The following TNS1 variants were observed in gnomAD, a reference collection of about 807,000 sequenced individuals.
TNS1 encodes the protein tensin-1.
TNS1 carries 62 observed loss-of-function variants against 168.6 expected under a neutral mutation model. The observed-to-expected ratio is 0.37, with a 90% CI of 0.30 to 0.45. The LOEUF (loss-of-function observed/expected upper bound fraction) is 0.45. TNS1 is among the 20% of genes least tolerant of loss of function. The probability of loss-of-function intolerance (pLI) is 1.00; values close to 1 mark genes in which losing one functional copy is unlikely to be tolerated. For synonymous variants in TNS1, 934 were observed against 933.2 expected (o/e 1.00, Z -0.02); for missense variants, 2,240 against 2,339.4 (o/e 0.96, Z 0.88).
Position 217,800,405 on chromosome 2 carries a change from TCCA to T in TNS1, c.*4051_*4053del, listed in dbSNP as rs1256337216. On this transcript the variant is annotated 3_prime_UTR_variant, in exon 33 of 33. Transcript: ENST00000682258. ...TTCTCACCTGGGCTATCGCTGAGAC[TCCA>T]CCAATTGGTTGGCCTACAGGCCTCA... 1.3e-5 allele frequency: 2 copies of T among 152,208 alleles called. No homozygotes were observed. Among genetic ancestry groups the T allele is most frequent in the East Asian group, 3.9e-4 (2 of 5,182 alleles). 9.4% of individuals were successfully genotyped at this position (152,208 alleles called of 1,614,324 possible). A position where few individuals can be genotyped will look rare whatever the true frequency, so the allele number is the denominator to read the frequency against.
intron 23 of TNS1, among the ~76,000 whole-genome samples, chr2:217,821,216 G>T (rs1397949089): frequency 6.6e-6 from 1 of 152,192 alleles, no homozygotes; most frequent in Non-Finnish European, 1.5e-5. Context: ...AGAGGATAGA[G>T]ATGCGGGCTC....
intron 1 of TNS1, among the ~76,000 whole-genome samples, chr2:218,018,113 A>G (rs1017555130): frequency 2.0e-5 from 3 of 152,240 alleles, no homozygotes; most frequent in Non-Finnish European, 4.4e-5. Flanking sequence ...TCTCAGTCCA[A>G]GAAGAGAAAG....
chr2:217,805,425 A>C (rs533833105), intron 32 of TNS1, among the ~76,000 whole-genome samples: 3 of 129,002 alleles, frequency 2.3e-5, no homozygotes, highest in African/African-American at 8.8e-5. Context: ...ACAAACCACC[A>C]CACACATGCA....
intron 18 of TNS1, among the ~76,000 whole-genome samples, chr2:217,869,607 A>C (rs1357001117): frequency 2.6e-5 from 4 of 152,096 alleles, no homozygotes; most frequent in Non-Finnish European, 5.9e-5. Context: ...CATGGGGAGG[A>C]GGTGAGGAAA....
intron 28 of TNS1, among the ~76,000 whole-genome samples, chr2:217,811,398 A>G (rs1940868184): frequency 6.6e-6 from 1 of 152,222 alleles, no homozygotes; most frequent in South Asian, 2.1e-4. Flanking sequence ...TAAGCTAATA[A>G]TATTGGTCCA....
chr2:217,978,722 C>T, intron 3 of TNS1, 43 bp downstream of exon 3: 1 of 701,076 alleles, frequency 1.4e-6, no homozygotes, highest in Non-Finnish European at 2.6e-6. Context: ...CGAGCCAGGC[C>T]TGTCCCAAGT....
intron 3 of TNS1, among the ~76,000 whole-genome samples, chr2:217,933,936 AAGGGCAAAACAGAGTTT>A (rs1321112173): frequency 1.3e-5 from 2 of 152,190 alleles, no homozygotes; most frequent in Non-Finnish European, 2.9e-5. Context: ...GGTGGTGAGG[AAGGGCAAAACAGAGTTT>A]AGGGCTCGGG....
At chr2:217,972,400 A>AT (rs1257531137) in intron 3 of TNS1, among the ~76,000 whole-genome samples, 1 of 152,246 alleles carries the variant, frequency 6.6e-6, no homozygotes, top group Admixed American at 6.5e-5. Context: ...CCCAACTGTA[A>AT]AAGAAGGCTG....
chr2:218,026,731 G>C (rs898214519), intron 1 of TNS1, among the ~76,000 whole-genome samples: 4 of 152,346 alleles, frequency 2.6e-5, no homozygotes, highest in African/African-American at 9.6e-5. Flanking sequence ...GCAGCACCCA[G>C]ATCAGGAGAC....
At chr2:217,895,199 C>G (rs1234408662) in intron 8 of TNS1, 143 bp from the exon 9 acceptor site, 2 of 824,720 alleles carry the variant, frequency 2.4e-6, no homozygotes, top group South Asian at 3.1e-5. Flanking sequence ...CAGCATCCAG[C>G]AGAGCGTCAA....
Position 217,848,746 on chromosome 2 carries a change from G to A in TNS1, c.1771C>T (p.Arg591Cys), listed in dbSNP as rs3815849. ...GGCACAGCCGAGCCCCCTGCTGGGC[G>A]GGACCTGAGGTGCTGGGTGTGGTAC... ...AMYHTQHLRSRPAGGSAVPSS... is the reference protein window; with the variant it reads ...AMYHTQHLRSCPAGGSAVPSS... Residue 591 changes from arginine (R) to cysteine (C), a missense_variant, in exon 19 of 33, where the codon CGC becomes TGC. Transcript: ENST00000682258. 0.018 allele frequency: 29,027 copies of A among 1,614,198 alleles called. 378 individuals carry two copies. The highest frequency in any genetic ancestry group is 0.041 in the South Asian group (3,727 of 91,088).
intron 4 of TNS1, 112 bp downstream of exon 4, chr2:217,920,083 A>C (rs1039135835): frequency 7.2e-6 from 5 of 694,786 alleles, no homozygotes; most frequent in Middle Eastern, 2.3e-4. Flanking sequence ...TCCTCCACCT[A>C]ATTGTCCGAC....
rs372015386 is a variant in TNS1 at position 217,899,619 on chromosome 2, G to A, written c.371+844C>T. Among the ~76,000 whole-genome samples the A allele has an allele frequency of 3.3e-4, 51 of 152,324 alleles. 1 individual carries two copies. Among genetic ancestry groups the A allele is most frequent in the African/African-American group, 1.2e-3 (48 of 41,574 alleles). On this transcript the variant is annotated intron_variant, in intron 7 of 32. Transcript: ENST00000682258. The stretch of plus-strand genomic sequence containing the variant: ...CTCAGCACAGGAAGGGGAGCAAGAG[G>A]GGCCGTGCTGGTGAGGGCCATGAGT...
At chr2:217,819,398 T>C (rs181497188) in intron 23 of TNS1, among the ~76,000 whole-genome samples, 2 of 152,304 alleles carry the variant, frequency 1.3e-5, no homozygotes, top group East Asian at 3.9e-4. Flanking sequence ...TGCATGGTAA[T>C]GAGGCTCCTG....
At chr2:217,983,338 T>C (rs1313156082) in intron 2 of TNS1, among the ~76,000 whole-genome samples, 1 of 152,246 alleles carries the variant, frequency 6.6e-6, no homozygotes, top group South Asian at 2.1e-4. Flanking sequence ...AACCCACGTA[T>C]GCACCCTCCT....
At chr2:217,941,305 G>T (rs1956899601) in intron 3 of TNS1, among the ~76,000 whole-genome samples, 1 of 152,222 alleles carries the variant, frequency 6.6e-6, no homozygotes, top group Admixed American at 6.5e-5. Flanking sequence ...CTAACTGCAG[G>T]GATTGGGGGT....
At chr2:217,983,368 A>G (rs1041711440) in intron 2 of TNS1, among the ~76,000 whole-genome samples, 9 of 152,146 alleles carry the variant, frequency 5.9e-5, no homozygotes, top group Admixed American at 3.9e-4. Context: ...ACCCTGTCCA[A>G]CCGGAGCTCC....
intron 22 of TNS1, among the ~76,000 whole-genome samples, chr2:217,830,961 C>G (rs1454954785): frequency 6.6e-6 from 1 of 152,086 alleles, no homozygotes; most frequent in African/African-American, 2.4e-5. Context: ...CAGGTGATGC[C>G]TTGTGGATGC....
intron 3 of TNS1, chr2:217,937,285 A>C (rs987507912): frequency 7.8e-5 from 26 of 331,812 alleles, no homozygotes; most frequent in Admixed American, 2.8e-4. Context: ...AGGCTTTTAA[A>C]GTGAACAATC....
Sources: gnomAD v4.1 joint callset for allele counts (sites outside exome capture counted in the v4.1 genomes callset) on GRCh38, gnomAD v4.1.1 for gene constraint, MANE v1.5 for transcripts, NCBI Gene and HGNC (gene_info 2026-07-23, HGNC 2026-07-21) for gene names.